The following IQCC variants were observed in gnomAD, a reference collection of about 807,000 sequenced individuals.
IQCC encodes the protein IQ domain-containing protein C.
Under a neutral mutation model 27.0 loss-of-function variants are expected in IQCC, and 23 were observed. The ratio of observed to expected loss-of-function variants is 0.85; its 90% CI spans 0.61 to 1.21. The LOEUF (loss-of-function observed/expected upper bound fraction) is 1.21, where lower values mean the gene tolerates loss of function less well. Among genes scored for constraint, IQCC ranks in the 50% most tolerant of loss-of-function variants. The pLI is 0.00. For synonymous variants in IQCC, 220 were observed against 217.2 expected (o/e 1.01, Z -0.11); for missense variants, 552 against 562.3 (o/e 0.98, Z 0.19).
rs1643314958 is a variant in IQCC, at chr1:32,205,895, C to A, written c.42+172C>A. 1.3e-6 allele frequency: 2 copies of A among 1,551,560 alleles called. No homozygotes were observed. Among genetic ancestry groups the A allele is most frequent in the East Asian group, 2.4e-5 (1 of 40,938 alleles). The stretch of plus-strand genomic sequence containing the variant: ...TGAGGAAAGCTGGGACCCACGGACT[C>A]CCTGCCCTGCGCGTCCCCACTCCCA... On this transcript the variant is annotated intron_variant, in intron 1 of 4. Coordinates refer to ENST00000291358, the MANE Select transcript of IQCC (RefSeq NM_018134.3). This position sits in a 1 kb window ranked among gnomAD's most constrained non-coding sequence, Gnocchi z 5.6.
At position 32,207,376 on chromosome 1, in the gene IQCC, C is replaced by T. The variant is rs963280771; in HGVS notation, c.695C>T (p.Ser232Phe). The T allele has an allele frequency of 1.2e-5, 20 of 1,614,060 alleles. No individual in the cohort carries two copies. The highest frequency in any genetic ancestry group is 1.6e-5 in the Non-Finnish European group (19 of 1,180,018). Reference sequence around the variant, plus strand: ...CCAAGCGCACCACTGGAGGACCAGTCCTACAGAGACAGGACCACTGGAGAG... The same window carrying T: ...CCAAGCGCACCACTGGAGGACCAGTTCTACAGAGACAGGACCACTGGAGAG... ...SQPSAPLEDQ[S>F]YRDRTTGELE... Residue 232 changes from serine to phenylalanine, a missense_variant, in exon 5 of 5, where the codon TCC becomes TTC. Transcript: ENST00000291358.
Position 32,208,586 on chromosome 1 carries a change from AG to A in IQCC, c.*505del, listed in dbSNP as rs2124202737. The A allele has an allele frequency of 5.9e-6, 1 of 170,812 alleles. No homozygotes were observed. The highest frequency in any genetic ancestry group is 1.6e-4 in the East Asian group (1 of 6,120). The allele number at this position is 170,812 out of a possible 1,614,324, so 10.6% of individuals were successfully genotyped here. ...GCCACTGCACTCCAGCCTGGGCTAC[AG>A]AGCGAGACACGGTCTCAAAAAACAA... On this transcript the variant is annotated 3_prime_UTR_variant, in exon 5 of 5. Coordinates refer to ENST00000291358, the MANE Select transcript of IQCC (RefSeq NM_018134.3).
Position 32,207,357 on chromosome 1 carries a change from G to A in IQCC, c.676G>A (p.Ala226Thr), listed in dbSNP as rs150393107. 4.2e-4 allele frequency: 684 copies of A among 1,613,850 alleles called. 3 individuals are homozygous for A. The highest frequency in any genetic ancestry group is 5.3e-4 in the Non-Finnish European group (623 of 1,180,000). ...ACERDQSQPS[A>T]PLEDQSYRDR... ...TGAGAGGGACCAGTCACAACCAAGC[G>A]CACCACTGGAGGACCAGTCCTACAG... The change falls in exon 5 of 5, where the codon GCA (alanine) becomes ACA (threonine). Residue 226 changes from alanine to threonine, a missense_variant. Transcript: ENST00000291358.
intron 3 of IQCC, 119 bp downstream of exon 3, chr1:32,206,880 G>A (rs910322683): frequency 3.5e-6 from 5 of 1,434,106 alleles, no homozygotes; most frequent in African/African-American, 1.4e-5. Flanking sequence ...TCCCTCTGCC[G>A]GGATAGGGCC....
In IQCC at chr1:32,207,251, TAAAC is replaced by T. The variant is rs1643383853; in HGVS notation, c.576_579del (p.Gln192HisfsTer2). ...CTCTCCCCCAACAGTACCTACTTCT[TAAAC>T]AAACACTGAGATCCCCAGAGGCGGG... On this transcript the variant is annotated frameshift_variant, in exon 5 of 5. Transcript: ENST00000291358. LOFTEE classifies it low-confidence loss of function (END_TRUNC). 16 of 1,613,988 alleles carry T rather than the reference TAAAC, an allele frequency of 9.9e-6. No individual in the cohort carries two copies. The highest frequency in any genetic ancestry group is 1.4e-5 in the Non-Finnish European group (16 of 1,179,952).
In IQCC at chr1:32,206,740, A is replaced by C; in HGVS notation, c.418A>C (p.Thr140Pro). Reference protein sequence around the residue: ...RKPSQEKTRDTTRMENPEATD... With the variant: ...RKPSQEKTRDPTRMENPEATD... ...ACCCAGCCAAGAGAAGACCAGAGAC[A>C]CGACAAGGATGGAGAATCCAGGTAC... The change falls in exon 3 of 5, where the codon ACG becomes CCG. Residue 140 changes from threonine (T) to proline (P), a missense_variant. Thr to Pro is a conservative substitution (Grantham distance 38, BLOSUM62 -1). Transcript: ENST00000291358. 1 of 1,614,164 alleles carries C rather than the reference A, an allele frequency of 6.2e-7. No homozygotes were observed.
intron 3 of IQCC, 112 bp from the exon 4 acceptor site, chr1:32,206,890 C>T (rs2124199027): frequency 7.1e-7 from 1 of 1,408,394 alleles, no homozygotes; most frequent in East Asian, 2.3e-5. Flanking sequence ...GGGATAGGGC[C>T]ACCACATGGT....
At position 32,207,064 on chromosome 1, in the gene IQCC, A is replaced by G. The variant is rs1362732925; in HGVS notation, c.502A>G (p.Ser168Gly). The change falls in exon 4 of 5, where the codon AGC becomes GGC. Residue 168 changes from serine to glycine, a missense_variant. Transcript: ENST00000291358. Reference sequence around the variant, plus strand: ...GCTTCAAGAGCTTCAGTACCACCGCAGCCACTTGGCCATGGAATTGCTGTG... The same window carrying G: ...GCTTCAAGAGCTTCAGTACCACCGCGGCCACTTGGCCATGGAATTGCTGTG... ...PQLQELQYHR[S>G]HLAMELLWLQ... The G allele has an allele frequency of 1.2e-6, 2 of 1,613,668 alleles. No individual in the cohort carries two copies. Among genetic ancestry groups the G allele is most frequent in the Admixed American group, 1.7e-5 (1 of 59,920 alleles).
Position 32,208,184 on chromosome 1 carries a change from C to G in IQCC, c.*102C>G. 2 of 1,298,740 alleles carry G rather than the reference C, an allele frequency of 1.5e-6. No homozygotes were observed. Among genetic ancestry groups the G allele is most frequent in the South Asian group, 3.2e-5 (2 of 62,998 alleles). 80.5% of individuals were successfully genotyped at this position (1,298,740 alleles called of 1,614,324 possible). ...CCTCCCTGACCAGCTCTGGCTTCTG[C>G]TCCTGCCCCTGGCCATTGGTGACTA... On this transcript the variant is annotated 3_prime_UTR_variant, in exon 5 of 5. Transcript: ENST00000291358.
intron 3 of IQCC, 100 bp from the exon 4 acceptor site, chr1:32,206,902 G>A: frequency 1.4e-6 from 2 of 1,379,864 alleles, no homozygotes; most frequent in Non-Finnish European, 2.0e-6. Flanking sequence ...CCACATGGTT[G>A]GGCAGTGCAG....
At chr1:32,206,409 C>G in intron 2 of IQCC, 100 bp from the exon 3 acceptor site, 1 of 1,598,484 alleles carries the variant, frequency 6.3e-7, no homozygotes, top group East Asian at 2.2e-5. Context: ...CCTCCTCACA[C>G]CCCACTCCTT....
In IQCC at chr1:32,207,872, C is replaced by T; in HGVS notation, c.1191C>T (p.Leu397=). Residue 397 remains leucine (L), a synonymous_variant, in exon 5 of 5, where the codon CTC becomes CTT. Transcript: ENST00000291358. ...LGGPEHSVLD[L]WRTKPPKGQA... is the part of the protein sequence containing the mutation. ...GGCCAGAGCATAGTGTCCTCGATCT[C>T]TGGAGGACTAAACCACCCAAAGGCC... 1 of 1,614,134 alleles carries T rather than the reference C, an allele frequency of 6.2e-7. No individual in the cohort carries two copies. The highest frequency in any genetic ancestry group is 8.5e-7 in the Non-Finnish European group (1 of 1,180,018).
rs1185750070 is a variant in IQCC, at chr1:32,205,697, C to G, written c.16C>G (p.Leu6Val). 6.2e-7 allele frequency: 1 copy of G among 1,607,262 alleles called. No individual in the cohort carries two copies. Among genetic ancestry groups the G allele is most frequent in the Non-Finnish European group, 8.5e-7 (1 of 1,176,734 alleles). Reference protein sequence around the residue: MEPELLVRKVSALQAC... With the variant: MEPELVVRKVSALQAC... The stretch of plus-strand genomic sequence containing the variant: ...GTTGGCGCCCATGGAGCCAGAGCTG[C>G]TGGTTCGGAAGGTGTCTGCATTGCA... The change falls in exon 1 of 5, where the codon CTG becomes GTG. Residue 6 changes from leucine to valine, a missense_variant. Transcript: ENST00000291358. The surrounding 1 kb of genome is among the most constrained non-coding windows in gnomAD (Gnocchi z 5.6).
At chr1:32,207,183 G>T (rs56663136) in intron 4 of IQCC, 57 bp from the exon 5 acceptor site, 2 of 1,601,534 alleles carry the variant, frequency 1.2e-6, no homozygotes, top group Non-Finnish European at 1.7e-6. Flanking sequence ...AGGGAGAGAC[G>T]ACCTGCCATG....
intron 3 of IQCC, 83 bp from the exon 4 acceptor site, chr1:32,206,919 G>A: frequency 2.1e-6 from 3 of 1,397,232 alleles, no homozygotes; most frequent in Non-Finnish European, 3.0e-6. Flanking sequence ...GCAGGGGAGG[G>A]AGTTTCCAAA....
At chr1:32,206,915 G>A in intron 3 of IQCC, 87 bp from the exon 4 acceptor site, 1 of 1,395,058 alleles carries the variant, frequency 7.2e-7, no homozygotes, top group Non-Finnish European at 9.9e-7. Context: ...CAGTGCAGGG[G>A]AGGGAGTTTC....
intron 2 of IQCC, 88 bp downstream of exon 2, chr1:32,206,385 A>G: frequency 6.2e-7 from 1 of 1,600,042 alleles, no homozygotes; most frequent in Non-Finnish European, 8.5e-7. Context: ...TCACTGGAAG[A>G]GGCAGTAGAC....
chr1:32,206,057 C>A, intron 1 of IQCC, 97 bp from the exon 2 acceptor site: 1 of 1,601,484 alleles, frequency 6.2e-7, no homozygotes, highest in East Asian at 2.2e-5. Context: ...CAGGTCCCCT[C>A]TTGCATTCGC....
Position 32,205,837 on chromosome 1 carries a change from A to G in IQCC, c.42+114A>G, listed in dbSNP as rs776368107. 4.5e-6 allele frequency: 7 copies of G among 1,559,166 alleles called. No homozygotes were observed. The African/African-American group carries it at 5.4e-5, about 12-fold the overall frequency. ...CGTTCAGTCCCCTAACTGCGCGCCAACCTCTGGAGATACCGGCTGTCCCCA... is the reference window on the plus strand; with the variant it reads ...CGTTCAGTCCCCTAACTGCGCGCCAGCCTCTGGAGATACCGGCTGTCCCCA... On this transcript the variant is annotated intron_variant, in intron 1 of 4. Coordinates refer to ENST00000291358, the MANE Select transcript of IQCC (RefSeq NM_018134.3). The surrounding 1 kb of genome is among the most constrained non-coding windows in gnomAD (Gnocchi z 5.6).
Sources: gnomAD v4.1 joint callset for allele counts on GRCh38, gnomAD v4.1.1 for gene constraint, Gnocchi (gnomAD v3.1) non-coding constraint, MANE v1.5 for transcripts, NCBI Gene and HGNC (gene_info 2026-07-23, HGNC 2026-07-21) for gene names.